The following EPHA6 variants were observed in gnomAD, a reference collection of about 807,000 sequenced individuals.
EPHA6 encodes the protein EPH receptor A6.
EPHA6 carries 50 observed loss-of-function variants against 112.0 expected under a neutral mutation model. That is an observed-to-expected ratio of 0.45 (90% CI 0.36 to 0.56). The LOEUF (loss-of-function observed/expected upper bound fraction) is 0.56. EPHA6 is among the 20% of genes least tolerant of loss of function. EPHA6 has a pLI of 0.00. For missense variants in EPHA6, 1,280 were observed against 1,417.4 expected (o/e 0.90, Z 1.56); for synonymous variants, 529 against 490.7 (o/e 1.08, Z -1.03).
At chr3:97,577,506 TA>T (rs916579987) in intron 11 of EPHA6, among the ~76,000 whole-genome samples, 38 of 150,014 alleles carry the variant, frequency 2.5e-4, no homozygotes, top group South Asian at 6.3e-4. Context: ...GCTTATGAAT[TA>T]AAAAAAAAAT....
At chr3:97,741,299 A>T (rs2035495412) in intron 16 of EPHA6, among the ~76,000 whole-genome samples, 2 of 151,970 alleles carry the variant, frequency 1.3e-5, no homozygotes. Context: ...TCTGCTGTGC[A>T]CTATGATCAT....
chr3:97,629,806 A>T (rs920891157), intron 13 of EPHA6, among the ~76,000 whole-genome samples: 1 of 152,006 alleles, frequency 6.6e-6, no homozygotes, highest in Non-Finnish European at 1.5e-5. Context: ...ACACACAGAT[A>T]TGGTCTGCAA....
At chr3:96,979,034 C>A (rs1200086674) in intron 2 of EPHA6, among the ~76,000 whole-genome samples, 9 of 152,024 alleles carry the variant, frequency 5.9e-5, no homozygotes, top group Non-Finnish European at 2.9e-5. Flanking sequence ...GATGAAGATA[C>A]TAAAACAGAA....
chr3:97,736,206 A>G, intron 16 of EPHA6, 88 bp downstream of exon 16: 1 of 1,061,790 alleles, frequency 9.4e-7, no homozygotes, highest in East Asian at 2.6e-5. Context: ...GAAAGGAAAA[A>G]AATGCCTTGA....
At chr3:97,315,012 C>T (rs111711962) in intron 5 of EPHA6, among the ~76,000 whole-genome samples, 1 of 151,524 alleles carries the variant, frequency 6.6e-6, no homozygotes, top group Non-Finnish European at 1.5e-5. Context: ...GTGTTTTCAA[C>T]TTCTGGTTGA....
intron 6 of EPHA6, among the ~76,000 whole-genome samples, chr3:97,424,818 A>T (rs1162746062): frequency 6.6e-6 from 1 of 151,900 alleles, no homozygotes; most frequent in African/African-American, 2.4e-5. Context: ...AAAAAAAAAA[A>T]AAAAAAAGCA....
At chr3:97,140,161 T>A (rs1207322215) in intron 3 of EPHA6, among the ~76,000 whole-genome samples, 1 of 151,642 alleles carries the variant, frequency 6.6e-6, no homozygotes, top group Non-Finnish European at 1.5e-5. Context: ...TAGAAAAAAA[T>A]ATATTTAAAA....
At chr3:97,719,361 A>G (rs1470881254) in intron 14 of EPHA6, among the ~76,000 whole-genome samples, 1 of 151,804 alleles carries the variant, frequency 6.6e-6, no homozygotes. Flanking sequence ...TTAAGACAGC[A>G]ATCTGGGAGC....
At chr3:96,841,667 A>C (rs2034757170) in intron 1 of EPHA6, among the ~76,000 whole-genome samples, 1 of 152,064 alleles carries the variant, frequency 6.6e-6, no homozygotes, top group Admixed American at 6.6e-5. Flanking sequence ...CCCATAACGG[A>C]GATACAGTTT....
chr3:97,111,829 C>T (rs532729976), intron 3 of EPHA6, among the ~76,000 whole-genome samples: 2 of 152,122 alleles, frequency 1.3e-5, no homozygotes, highest in South Asian at 2.1e-4. Context: ...CAATTAAAGC[C>T]CTACATTGAT....
intron 11 of EPHA6, among the ~76,000 whole-genome samples, chr3:97,534,432 T>C (rs1052646368): frequency 6.6e-6 from 1 of 151,290 alleles, no homozygotes; most frequent in East Asian, 1.9e-4. Flanking sequence ...CAAAATGAAG[T>C]CTGTCTCACT....
intron 6 of EPHA6, among the ~76,000 whole-genome samples, chr3:97,427,091 G>A (rs1036933087): frequency 6.6e-6 from 1 of 152,156 alleles, no homozygotes; most frequent in Non-Finnish European, 1.5e-5. Flanking sequence ...CACTGTTGGT[G>A]GGAGTATAAT....
At chr3:97,721,097 C>T (rs2107796805) in intron 15 of EPHA6, among the ~76,000 whole-genome samples, 1 of 152,208 alleles carries the variant, frequency 6.6e-6, no homozygotes, top group African/African-American at 2.4e-5. Context: ...TTCCTCATCT[C>T]GAAATTCAGG....
intron 2 of EPHA6, among the ~76,000 whole-genome samples, chr3:96,879,692 C>T (rs572520561): frequency 2.2e-4 from 33 of 152,138 alleles, no homozygotes; most frequent in African/African-American, 6.7e-4. Context: ...ATCAGCATTT[C>T]GTAGTTCTTC....
chr3:97,229,741 T>A (rs1184936248), intron 4 of EPHA6, among the ~76,000 whole-genome samples: 1 of 152,134 alleles, frequency 6.6e-6, no homozygotes, highest in Non-Finnish European at 1.5e-5. Context: ...TTATAAAATA[T>A]TTTTATGGAA....
intron 5 of EPHA6, among the ~76,000 whole-genome samples, chr3:97,295,494 G>T (rs1284296963): frequency 6.7e-6 from 1 of 148,694 alleles, no homozygotes; most frequent in African/African-American, 2.5e-5. Flanking sequence ...TGATTTATTT[G>T]TATTGTTTGT....
chr3:96,974,491 T>A (rs1035306147), intron 2 of EPHA6, among the ~76,000 whole-genome samples: 50 of 151,038 alleles, frequency 3.3e-4, no homozygotes, highest in Admixed American at 9.9e-4. Flanking sequence ...TTTTTTTTTT[T>A]AATTTATGTT....
At position 97,475,523 on chromosome 3, in the gene EPHA6, G is replaced by A. The variant is rs894772239; in HGVS notation, c.2003+63G>A. 26 of 1,153,626 alleles carry A rather than the reference G, an allele frequency of 2.3e-5. No individual in the cohort carries two copies. In the African/African-American group the frequency reaches 2.8e-4, roughly 13 times the overall value. The allele number at this position is 1,153,626 out of a possible 1,614,324, so 71.5% of individuals were successfully genotyped here. A position where few individuals can be genotyped will look rare whatever the true frequency, so the allele number is the denominator to read the frequency against. ...AATAACCACTCTTTTTATACATTGT[G>A]TATTCAAATGCTTTTAGATATAACA... On this transcript the variant is annotated intron_variant, in intron 8 of 17. Transcript: ENST00000389672.
chr3:97,577,964 G>T (rs1390478616), intron 11 of EPHA6, among the ~76,000 whole-genome samples: 1 of 152,080 alleles, frequency 6.6e-6, no homozygotes, highest in Non-Finnish European at 1.5e-5. Context: ...CATCTGGGTT[G>T]GTGGATAGAC....
Sources: allele counts gnomAD v4.1 joint callset (sites outside exome capture counted in the v4.1 genomes callset), GRCh38; gene constraint gnomAD v4.1.1; transcripts MANE v1.5; gene names NCBI Gene and HGNC (gene_info 2026-07-23, HGNC 2026-07-21).